Variants in PDCD11 observed in about 807,000 individuals in gnomAD.
PDCD11 encodes the protein programmed cell death 11.
Under a neutral mutation model 198.9 loss-of-function variants are expected in PDCD11, and 97 were observed. That is an observed-to-expected ratio of 0.49 (90% CI 0.41 to 0.58). The LOEUF (loss-of-function observed/expected upper bound fraction) is 0.58, where lower values mean the gene tolerates loss of function less well. PDCD11 is among the 20% of genes least tolerant of loss of function. PDCD11 has a pLI of 0.00. For missense variants in PDCD11, 2,102 were observed against 2,312.7 expected (o/e 0.91, Z 1.87); for synonymous variants, 893 against 918.0 (o/e 0.97, Z 0.49).
In PDCD11 at chr10:103,421,567, G is replaced by A; in HGVS notation, c.2497G>A (p.Asp833Asn). ...CGTGCGCAGCCTTATGAGCAACCGA[G>A]GTGGGGCACCTGTGGGGCAGGGGAG... Reference protein sequence around the residue: ...QGVRSLMSNRDSVLIQTLAEM... With the variant: ...QGVRSLMSNRNSVLIQTLAEM... The change falls in exon 17 of 36, where the codon GAC (aspartate) becomes AAC (asparagine). Residue 833 changes from aspartate (D) to asparagine (N), a missense_variant and splice_region_variant. Transcript: ENST00000369797. The A allele has an allele frequency of 6.4e-7, 1 of 1,555,446 alleles. No homozygotes were observed. The highest frequency in any genetic ancestry group is 8.7e-7 in the Non-Finnish European group (1 of 1,149,306).
At position 103,406,830 on chromosome 10, in the gene PDCD11, A is replaced by G. The variant is rs1315418590; in HGVS notation, c.870+40A>G. On this transcript the variant is annotated intron_variant, in intron 7 of 35. Coordinates refer to ENST00000369797, the MANE Select transcript of PDCD11 (RefSeq NM_014976.2). ...TACTACTACTTTTTAAAATAAAAAT[A>G]ATTCTTTTCAAAATATTAAATGCAT... is the stretch of plus-strand genomic sequence containing the variant. The G allele has an allele frequency of 2.0e-6, 3 of 1,479,308 alleles. No individual in the cohort carries two copies. The African/African-American group carries it at 4.3e-5, about 21-fold the overall frequency. The allele number at this position is 1,479,308 out of a possible 1,614,324, so 91.6% of individuals were successfully genotyped here.
chr10:103,414,098 T>G lies in PDCD11; in HGVS notation c.1310+8T>G, dbSNP rs969117888. The G allele has an allele frequency of 6.2e-7, 1 of 1,608,318 alleles. No homozygotes were observed. Among genetic ancestry groups the G allele is most frequent in the African/African-American group, 1.3e-5 (1 of 74,766 alleles). ...CTTGCTCTCTCTACGAACGTAAGTC[T>G]GTCATTAACAGGTAGGGGTGTAGAG... On this transcript the variant is annotated splice_region_variant and intron_variant, in intron 10 of 35. Coordinates refer to ENST00000369797, the MANE Select transcript of PDCD11 (RefSeq NM_014976.2).
In PDCD11 at chr10:103,415,624, C is replaced by T. The variant is rs183455012; in HGVS notation, c.1518+473C>T. On this transcript the variant is annotated intron_variant, in intron 12 of 35. Coordinates refer to ENST00000369797, the MANE Select transcript of PDCD11 (RefSeq NM_014976.2). ...TTTGCGGGTGGGGAAATTAAAGCTT[C>T]GGAAAGCCAACCGTCTTGCCCAGAG... Among the ~76,000 whole-genome samples, 50 of 152,332 alleles carry T rather than the reference C, an allele frequency of 3.3e-4. No individual in the cohort carries two copies. In the East Asian group the frequency reaches 9.2e-3, roughly 28 times the overall value.
At chr10:103,443,867 C>G in intron 33 of PDCD11, 48 bp from the exon 34 acceptor site, 1 of 1,589,528 alleles carries the variant, frequency 6.3e-7, no homozygotes. Flanking sequence ...TGTCTTGTCC[C>G]CTCTGTAGTA....
chr10:103,424,432 T>C (rs1192822562), intron 19 of PDCD11, among the ~76,000 whole-genome samples: 2 of 152,256 alleles, frequency 1.3e-5, no homozygotes, highest in Admixed American at 6.5e-5. Flanking sequence ...CATTCAGTTT[T>C]CTAGCAGGAC....
Position 103,405,019 on chromosome 10 carries a change from C to A in PDCD11, c.403-3C>A. The A allele has an allele frequency of 1.2e-6, 2 of 1,613,176 alleles. No individual in the cohort carries two copies. The highest frequency in any genetic ancestry group is 1.7e-6 in the Non-Finnish European group (2 of 1,179,380). On this transcript the variant is annotated splice_region_variant and splice_polypyrimidine_tract_variant and intron_variant, in intron 4 of 35. Coordinates refer to ENST00000369797, the MANE Select transcript of PDCD11 (RefSeq NM_014976.2). ...TCAGGTCTTTCTCATTTGTGTTATGCAGGACCTACTTCACTTGCCTGAACT... is the reference window on the plus strand; with the variant it reads ...TCAGGTCTTTCTCATTTGTGTTATGAAGGACCTACTTCACTTGCCTGAACT...
At chr10:103,422,569 CTTTATTCA>C (rs2031500586) in intron 17 of PDCD11, among the ~76,000 whole-genome samples, 2 of 151,868 alleles carry the variant, frequency 1.3e-5, no homozygotes, top group Admixed American at 1.3e-4. Context: ...CCTTTCATTC[CTTTATTCA>C]GCAGATGAAA....
intron 7 of PDCD11, among the ~76,000 whole-genome samples, chr10:103,409,263 A>G (rs1038834418): frequency 3.3e-5 from 5 of 151,770 alleles, no homozygotes; most frequent in African/African-American, 1.2e-4. Flanking sequence ...TGGTGACTCC[A>G]TAAGGGTGAC....
intron 8 of PDCD11, among the ~76,000 whole-genome samples, chr10:103,410,907 C>G (rs2030763233): frequency 6.6e-6 from 1 of 151,678 alleles, no homozygotes; most frequent in African/African-American, 2.4e-5. Flanking sequence ...AACCCCGTCT[C>G]TACTAAAAAT....
At position 103,405,993 on chromosome 10, in the gene PDCD11, A is replaced by G. The variant is rs2030422444; in HGVS notation, c.573A>G (p.Thr191=). 5.6e-6 allele frequency: 9 copies of G among 1,614,000 alleles called. No homozygotes were observed. Among genetic ancestry groups the G allele is most frequent in the Non-Finnish European group, 7.6e-6 (9 of 1,179,912 alleles). Residue 191 remains threonine (T), a synonymous_variant, in exon 6 of 36, where the codon ACA becomes ACG. Transcript: ENST00000369797. ...TACTTTCTCTTCCCCAGCTACTTAC[A>G]GGTACCGTATCCAGCCTGGAAGACC... ...AEALKPGMLL[T]GTVSSLEDHG...
chr10:103,418,673 G>A (rs1311956569), intron 15 of PDCD11, 39 bp downstream of exon 15: 2 of 1,545,110 alleles, frequency 1.3e-6, no homozygotes, highest in African/African-American at 2.7e-5. Flanking sequence ...AGGAAGGTGG[G>A]GGGCCATGGG....
rs769195492 is a variant in PDCD11, at chr10:103,444,052, C to T, written c.5262C>T (p.Cys1754=). 1.9e-6 allele frequency: 3 copies of T among 1,611,938 alleles called. No individual in the cohort carries two copies. The highest frequency in any genetic ancestry group is 1.7e-5 in the Admixed American group (1 of 59,990). The change falls in exon 34 of 36, where the codon TGC becomes TGT. Residue 1754 remains cysteine, a synonymous_variant. Transcript: ENST00000369797. ...GCGTGCTGCAGCGAGCCCTGGAGTG[C>T]CTGCCTAGCAAGGAGCGTGAGTGCT... is the stretch of plus-strand genomic sequence containing the variant. ...SHRVLQRALE[C]LPSKEHVDVI...
intron 12 of PDCD11, 52 bp downstream of exon 12, chr10:103,415,203 G>A (rs759741867): frequency 6.3e-7 from 1 of 1,589,494 alleles, no homozygotes; most frequent in South Asian, 1.1e-5. Flanking sequence ...GAAGAAAGCA[G>A]TTCTCAACTG....
rs1564777046 is a variant in PDCD11, at chr10:103,438,816, A to T, written c.4025+8A>T. On this transcript the variant is annotated splice_region_variant and intron_variant, in intron 27 of 35. Transcript: ENST00000369797. ...ACACGGTGTGTTCTTTCGGTGAGTG[A>T]GGGGGGCTCTGCACCCGGACCCAAG... 1.2e-6 allele frequency: 2 copies of T among 1,613,428 alleles called. No homozygotes were observed. The highest frequency in any genetic ancestry group is 1.7e-5 in the Admixed American group (1 of 59,982).
chr10:103,419,625 C>T lies in PDCD11; in HGVS notation c.2194C>T (p.Leu732Phe). Residue 732 changes from leucine to phenylalanine, a missense_variant, in exon 16 of 36, where the codon CTC becomes TTC. Coordinates refer to ENST00000369797, the MANE Select transcript of PDCD11 (RefSeq NM_014976.2). ...CTCAGAAATCCATCCTGGAATGCTGCTCATTGGTTTTGTGAAGAGCATCAA... is the reference window on the plus strand; with the variant it reads ...CTCAGAAATCCATCCTGGAATGCTGTTCATTGGTTTTGTGAAGAGCATCAA... ...NFSEIHPGML[L>F]IGFVKSIKDY... The T allele has an allele frequency of 1.2e-6, 2 of 1,614,126 alleles. No homozygotes were observed. Among genetic ancestry groups the T allele is most frequent in the Non-Finnish European group, 8.5e-7 (1 of 1,180,006 alleles).
chr10:103,431,643 A>AC (rs2031940034), intron 21 of PDCD11, among the ~76,000 whole-genome samples: 3 of 151,936 alleles, frequency 2.0e-5, no homozygotes, highest in Middle Eastern at 3.4e-3. Flanking sequence ...TTTTATTAAA[A>AC]AAAAAAATCA....
In PDCD11 at chr10:103,403,288, A is replaced by G; in HGVS notation, c.402+3A>G. The G allele has an allele frequency of 6.2e-7, 1 of 1,608,614 alleles. No homozygotes were observed. Among genetic ancestry groups the G allele is most frequent in the Non-Finnish European group, 8.5e-7 (1 of 1,178,078 alleles). ...TGACACAAGAACAACCTCTGAAGGT[A>G]AGGGAAATCCGAATGAAGCCTGTTA... On this transcript the variant is annotated splice_donor_region_variant and intron_variant, in intron 4 of 35. Transcript: ENST00000369797.
At position 103,439,875 on chromosome 10, in the gene PDCD11, G is replaced by A. The variant is rs1564777800; in HGVS notation, c.4148+7G>A. On this transcript the variant is annotated splice_region_variant and intron_variant, in intron 28 of 35. Coordinates refer to ENST00000369797, the MANE Select transcript of PDCD11 (RefSeq NM_014976.2). The stretch of plus-strand genomic sequence containing the variant: ...TCACAGCCAGGGTCCTACGGTAGGT[G>A]CCTTCCCGTTCTCTCTCTCTCTGTA... The A allele has an allele frequency of 4.3e-6, 7 of 1,614,118 alleles. No individual in the cohort carries two copies. The highest frequency in any genetic ancestry group is 5.9e-6 in the Non-Finnish European group (7 of 1,179,982).
chr10:103,399,529 G>A (rs1444655391), intron 2 of PDCD11: 1 of 152,036 alleles, frequency 6.6e-6, no homozygotes, highest in African/African-American at 2.4e-5. Flanking sequence ...ATTTTTACAG[G>A]GGTTCCTTGC....
Sources: allele counts gnomAD v4.1 joint callset (sites outside exome capture counted in the v4.1 genomes callset), GRCh38; gene constraint gnomAD v4.1.1; transcripts MANE v1.5; gene names NCBI Gene and HGNC (gene_info 2026-07-23, HGNC 2026-07-21).